TRPC7: variants seen among roughly 807,000 people sequenced by gnomAD.
TRPC7 encodes short transient receptor potential channel 7.
TRPC7 carries 42 observed loss-of-function variants against 90.1 expected under a neutral mutation model. The observed-to-expected ratio is 0.47, with a 90% CI of 0.36 to 0.60. TRPC7 has a LOEUF of 0.60. Ranked by LOEUF, TRPC7 falls within the 20% of genes least tolerant of loss-of-function variation. TRPC7 has a pLI of 0.00. For missense variants in TRPC7, 955 were observed against 1,112.3 expected (o/e 0.86, Z 2.01); for synonymous variants, 451 against 436.3 (o/e 1.03, Z -0.42).
intron 8 of TRPC7, chr5:136,226,506 C>A: frequency 2.0e-6 from 1 of 509,130 alleles, no homozygotes; most frequent in Non-Finnish European, 3.4e-6. Context: ...TTAACCGCCC[C>A]TACCCTCCAC....
At chr5:136,214,081 A>T (rs1354594456) in intron 11 of TRPC7, 1 of 156,496 alleles carries the variant, frequency 6.4e-6, no homozygotes, top group Non-Finnish European at 1.4e-5. Context: ...GGCACAGCAG[A>T]TGCAGCCGTG....
At chr5:136,360,344 T>C (rs987115011) in intron 1 of TRPC7, among the ~76,000 whole-genome samples, 1 of 152,210 alleles carries the variant, frequency 6.6e-6, no homozygotes, top group African/African-American at 2.4e-5. Context: ...TCTCATCTTT[T>C]AGGTGAAGAA....
intron 8 of TRPC7, among the ~76,000 whole-genome samples, chr5:136,228,795 T>C (rs1040144788): frequency 6.6e-6 from 1 of 152,176 alleles, no homozygotes; most frequent in Non-Finnish European, 1.5e-5. Context: ...CATTTTCCAG[T>C]GGTACCTTCC....
In TRPC7 at chr5:136,341,488, CA is replaced by C. The variant is rs553432153; in HGVS notation, c.780+15119del. Among the ~76,000 whole-genome samples, 206 of 151,960 alleles carry C rather than the reference CA, an allele frequency of 1.4e-3. 1 individual carries two copies. Among genetic ancestry groups the C allele is most frequent in the African/African-American group, 4.4e-3 (183 of 41,424 alleles). ...ATACATATATATACACACACACACA[CA>C]CACCTATGTATAAATAAAAGATTTA... On this transcript the variant is annotated intron_variant, in intron 2 of 11. Coordinates refer to ENST00000513104, the MANE Select transcript of TRPC7 (RefSeq NM_020389.3).
rs1230423754 is a variant in TRPC7 at position 136,365,210 on chromosome 5, T to TG, written c.2+42dup. On this transcript the variant is annotated intron_variant, in intron 1 of 11. Transcript: ENST00000513104. Reference sequence around the variant, plus strand: ...ATTTTAGCGAGAACACAACCTCTACTGGAAAAAAAAATCAATATGAAAGAA... The same window carrying TG: ...ATTTTAGCGAGAACACAACCTCTACTGGGAAAAAAAAATCAATATGAAAGAA... The TG allele has an allele frequency of 8.1e-6, 12 of 1,486,392 alleles. No individual in the cohort carries two copies. In the South Asian group the frequency reaches 8.5e-5, roughly 10 times the overall value. The allele number at this position is 1,486,392 out of a possible 1,614,324, so 92.1% of individuals were successfully genotyped here. A position where few individuals can be genotyped will look rare whatever the true frequency, so the allele number is the denominator to read the frequency against.
At chr5:136,355,367 G>A (rs1257465379) in intron 2 of TRPC7, among the ~76,000 whole-genome samples, 1 of 152,226 alleles carries the variant, frequency 6.6e-6, no homozygotes, top group African/African-American at 2.4e-5. Flanking sequence ...TACTAGCTAT[G>A]TGATCCTCTC....
chr5:136,356,864 T>A lies in TRPC7; in HGVS notation c.524A>T (p.Gln175Leu), dbSNP rs1041562468. Residue 175 changes from glutamine (Q) to leucine (L), a missense_variant, in exon 2 of 12, where the codon CAG (glutamine) becomes CTG (leucine). Transcript: ENST00000513104. ...ITPIILAAHC[Q>L]EYEIVHILLL... ...CAGGATGTGCACGATCTCATACTCCTGGCAGTGCGCCGCCAGGATGATGGG... is the reference window on the plus strand; with the variant it reads ...CAGGATGTGCACGATCTCATACTCCAGGCAGTGCGCCGCCAGGATGATGGG... The A allele has an allele frequency of 6.2e-7, 1 of 1,613,924 alleles. No individual in the cohort carries two copies. Among genetic ancestry groups the A allele is most frequent in the Non-Finnish European group, 8.5e-7 (1 of 1,179,922 alleles).
rs1164275793 is a variant in TRPC7, at chr5:136,356,940, C to T, written c.448G>A (p.Asp150Asn). 1.2e-6 allele frequency: 2 copies of T among 1,612,994 alleles called. No individual in the cohort carries two copies. The highest frequency in any genetic ancestry group is 1.7e-5 in the Admixed American group (1 of 59,996). Residue 150 changes from aspartate to asparagine, a missense_variant, in exon 2 of 12, where the codon GAC (aspartate) becomes AAC (asparagine). Physicochemically the swap from Asp to Asn is conservative, Grantham distance 23. This residue lies in a region of TRPC7 where 484 missense variants were observed against 509.6 expected (regional missense o/e 0.95). Coordinates refer to ENST00000513104, the MANE Select transcript of TRPC7 (RefSeq NM_020389.3). ...SPLEQELRDD[D>N]FYAYDEDGTR... Reference sequence around the variant, plus strand: ...CCGTCCTCGTCGTAGGCATAGAAGTCGTCGTCGCGCAGCTCCTGTTCCAGC... The same window carrying T: ...CCGTCCTCGTCGTAGGCATAGAAGTTGTCGTCGCGCAGCTCCTGTTCCAGC...
intron 2 of TRPC7, among the ~76,000 whole-genome samples, chr5:136,329,421 G>A (rs1044256994): frequency 6.6e-6 from 1 of 152,196 alleles, no homozygotes; most frequent in Non-Finnish European, 1.5e-5. Context: ...ACCACAGGGT[G>A]ATGTAAGTGC....
At chr5:136,214,507 T>G (rs967067967) in intron 11 of TRPC7, 2 of 152,212 alleles carry the variant, frequency 1.3e-5, no homozygotes, top group African/African-American at 4.8e-5. Flanking sequence ...CCTGTTTTTA[T>G]CAGATGCTTC....
chr5:136,328,740 G>A (rs1759415608), intron 2 of TRPC7, among the ~76,000 whole-genome samples: 1 of 152,244 alleles, frequency 6.6e-6, no homozygotes, highest in Non-Finnish European at 1.5e-5. Context: ...ATATTATGAT[G>A]ACCTAGAGTG....
intron 10 of TRPC7, among the ~76,000 whole-genome samples, chr5:136,219,652 G>C (rs980340137): frequency 6.6e-6 from 1 of 152,218 alleles, no homozygotes; most frequent in Non-Finnish European, 1.5e-5. Context: ...TGTAGTCCCA[G>C]CTACCTGGCA....
At chr5:136,284,054 GACA>G (rs1757632450) in intron 3 of TRPC7, among the ~76,000 whole-genome samples, 1 of 152,148 alleles carries the variant, frequency 6.6e-6, no homozygotes, top group South Asian at 2.1e-4. Context: ...CTTCAGTTTG[GACA>G]ACTTCAATTG....
rs747176300 is a variant in TRPC7 at position 136,274,755 on chromosome 5, G to A, written c.1046C>T (p.Ala349Val). ...NLSGLRQQSI[A>V]VKFLAVFGVS... ...TCCAAAGACAGCCAGGAATTTCACA[G>A]CGATAGACTGTTGACGTAAGCCTGA... The change falls in exon 4 of 12, where the codon GCT (alanine) becomes GTT (valine). Residue 349 changes from alanine to valine, a missense_variant. By Grantham distance (64) the Ala-to-Val change is moderately conservative. Coordinates refer to ENST00000513104, the MANE Select transcript of TRPC7 (RefSeq NM_020389.3). The A allele has an allele frequency of 6.8e-6, 11 of 1,610,600 alleles. No individual in the cohort carries two copies. In the South Asian group the frequency reaches 1.2e-4, roughly 18 times the overall value.
chr5:136,311,504 G>A (rs1355243686), intron 3 of TRPC7, among the ~76,000 whole-genome samples: 2 of 152,208 alleles, frequency 1.3e-5, no homozygotes, highest in African/African-American at 4.8e-5. Flanking sequence ...CCCAGTTGTT[G>A]GGGCTGGAAG....
At chr5:136,281,395 T>C (rs1253832242) in intron 3 of TRPC7, among the ~76,000 whole-genome samples, 1 of 152,226 alleles carries the variant, frequency 6.6e-6, no homozygotes, top group Non-Finnish European at 1.5e-5. Context: ...CTCAGACTTA[T>C]AGCCTTGAAA....
chr5:136,342,484 T>C (rs1174671756), intron 2 of TRPC7, among the ~76,000 whole-genome samples: 1 of 152,188 alleles, frequency 6.6e-6, no homozygotes, highest in African/African-American at 2.4e-5. Flanking sequence ...AGCTGACCTA[T>C]GGAAGCCAAG....
At chr5:136,360,191 C>A (rs1406990137) in intron 1 of TRPC7, among the ~76,000 whole-genome samples, 4 of 152,168 alleles carry the variant, frequency 2.6e-5, no homozygotes, top group African/African-American at 9.7e-5. Context: ...CACGTAAGTA[C>A]TCAATCTAAA....
chr5:136,299,526 T>C (rs1758305634), intron 3 of TRPC7, among the ~76,000 whole-genome samples: 1 of 152,120 alleles, frequency 6.6e-6, no homozygotes, highest in Admixed American at 6.6e-5. Flanking sequence ...ACAATTATAC[T>C]TACAAAACTC....
Sources: gnomAD v4.1 joint callset for allele counts (sites outside exome capture counted in the v4.1 genomes callset) on GRCh38, gnomAD v4.1.1 for gene constraint, gnomAD v4.1.1 regional missense constraint, MANE v1.5 for transcripts, NCBI Gene and HGNC (gene_info 2026-07-23, HGNC 2026-07-21) for gene names.